Variants in GPHN observed in about 807,000 individuals in gnomAD.
GPHN encodes gephyrin.
Under a neutral mutation model 95.5 loss-of-function variants are expected in GPHN, and 17 were observed. That is an observed-to-expected ratio of 0.18 (90% CI 0.12 to 0.27). The LOEUF (loss-of-function observed/expected upper bound fraction) is 0.27. GPHN is among the 10% of genes least tolerant of loss of function. The probability of loss-of-function intolerance (pLI) is 1.00; values close to 1 mark genes in which losing one functional copy is unlikely to be tolerated. For synonymous variants in GPHN, 320 were observed against 322.5 expected (o/e 0.99, Z 0.08); for missense variants, 660 against 978.1 (o/e 0.67, Z 4.34).
At chr14:67,716,880 T>TC in the GPHN span, among the ~76,000 whole-genome samples, 1 of 128,332 alleles carries the variant, frequency 7.8e-6, no homozygotes, top group African/African-American at 2.9e-5. Context: ...TGAGTCTCTG[T>TC]CAAAAAAAAA....
intron 9 of GPHN, among the ~76,000 whole-genome samples, chr14:66,967,896 T>C (rs1008835040): frequency 6.6e-6 from 1 of 151,898 alleles, no homozygotes; most frequent in Non-Finnish European, 1.5e-5. Flanking sequence ...TTTTGTGCTA[T>C]GTGGAGGTTT....
chr14:67,131,983 C>A (rs993460961), intron 17 of GPHN, among the ~76,000 whole-genome samples: 7 of 152,096 alleles, frequency 4.6e-5, no homozygotes, highest in Admixed American at 3.3e-4. Flanking sequence ...AGAAGATTTC[C>A]CCCTTCTGGA....
the GPHN span, among the ~76,000 whole-genome samples, chr14:67,657,627 A>C: frequency 5.5e-4 from 77 of 139,048 alleles, 1 homozygote; most frequent in East Asian, 0.013. Context: ...CACACACCCA[A>C]AATCAAAAGG....
intron 1 of GPHN, among the ~76,000 whole-genome samples, chr14:66,641,422 CATT>C (rs1225382558): frequency 3.9e-5 from 6 of 152,014 alleles, no homozygotes; most frequent in Admixed American, 2.0e-4. Flanking sequence ...GATATAGCCT[CATT>C]ATAAAGTTAG....
intron 3 of GPHN, among the ~76,000 whole-genome samples, chr14:66,778,078 T>A (rs980551489): frequency 9.9e-5 from 15 of 152,152 alleles, no homozygotes; most frequent in African/African-American, 3.1e-4. Flanking sequence ...GAAAACCCCA[T>A]CGTCTCAGCC....
chr14:67,626,082 G>A, the GPHN span, among the ~76,000 whole-genome samples: 354 of 152,090 alleles, frequency 2.3e-3, no homozygotes, highest in African/African-American at 8.2e-3. Context: ...GTGAAACTCC[G>A]TCTCTACTAA....
the GPHN span, among the ~76,000 whole-genome samples, chr14:67,700,972 G>A: frequency 2.1e-5 from 3 of 142,850 alleles, no homozygotes; most frequent in East Asian, 2.1e-4. Flanking sequence ...TGCAGTAAGC[G>A]GAGATCTTGC....
At chr14:67,698,545 G>A in the GPHN span, among the ~76,000 whole-genome samples, 1 of 152,148 alleles carries the variant, frequency 6.6e-6, no homozygotes, top group Non-Finnish European at 1.5e-5. Context: ...CTGAGAAACG[G>A]CCAGAGAGGT....
intron 3 of GPHN, among the ~76,000 whole-genome samples, chr14:66,801,377 G>A (rs963916575): frequency 6.6e-6 from 1 of 152,096 alleles, no homozygotes; most frequent in Non-Finnish European, 1.5e-5. Context: ...GGACCTGAGT[G>A]TTATAAGCTT....
chr14:66,922,594 T>TCTTATA, intron 6 of GPHN, 72 bp from the exon 7 acceptor site: 1 of 1,227,004 alleles, frequency 8.1e-7, no homozygotes. Flanking sequence ...CACGAAACAG[T>TCTTATA]TTGATTGCCA....
At chr14:67,565,116 G>A in the GPHN span, among the ~76,000 whole-genome samples, 3 of 152,230 alleles carry the variant, frequency 2.0e-5, no homozygotes, top group Non-Finnish European at 4.4e-5. Flanking sequence ...GAGCCTGTGG[G>A]AAGGGCTCCT....
chr14:67,191,382 G>C, the GPHN span, among the ~76,000 whole-genome samples: 4 of 152,312 alleles, frequency 2.6e-5, no homozygotes, highest in African/African-American at 9.6e-5. Flanking sequence ...AAGACCACAT[G>C]GTAATGGTCA....
At chr14:66,663,901 G>A (rs1039290331) in intron 1 of GPHN, among the ~76,000 whole-genome samples, 7 of 152,152 alleles carry the variant, frequency 4.6e-5, no homozygotes, top group Non-Finnish European at 7.3e-5. Flanking sequence ...TTACATAATG[G>A]TAAAGGGTTC....
chr14:67,712,493 C>CAAAAAAAAAAAAA, the GPHN span, among the ~76,000 whole-genome samples: 2 of 38,930 alleles, frequency 5.1e-5, no homozygotes, highest in Non-Finnish European at 7.5e-5. Flanking sequence ...AAAAAACTTG[C>CAAAAAAAAAAAAA]AAAAAAAAAA....
At chr14:66,852,329 T>C (rs1385348277) in intron 4 of GPHN, among the ~76,000 whole-genome samples, 1 of 152,240 alleles carries the variant, frequency 6.6e-6, no homozygotes, top group East Asian at 1.9e-4. Context: ...ATATCACTCA[T>C]GGTACATTTT....
chr14:66,978,449 T>G (rs1193778094), intron 9 of GPHN, among the ~76,000 whole-genome samples: 3 of 152,200 alleles, frequency 2.0e-5, no homozygotes, highest in Non-Finnish European at 4.4e-5. Flanking sequence ...TCCAACAAAG[T>G]TCACAGCATC....
the GPHN span, among the ~76,000 whole-genome samples, chr14:67,352,492 A>G: frequency 6.6e-6 from 1 of 152,164 alleles, no homozygotes; most frequent in Non-Finnish European, 1.5e-5. Flanking sequence ...ACATGCTACA[A>G]TAAAATTAAA....
chr14:67,301,267 A>AT, the GPHN span: 1 of 498,806 alleles, frequency 2.0e-6, no homozygotes, highest in South Asian at 5.2e-5. Context: ...CTTTTTAGTG[A>AT]TTTTATTTCT....
chr14:66,862,444 C>T (rs554662234), intron 4 of GPHN, among the ~76,000 whole-genome samples: 13 of 151,928 alleles, frequency 8.6e-5, no homozygotes, highest in South Asian at 2.1e-4. Context: ...CAAAGTATTC[C>T]GAAATACAAG....
Sources: gnomAD v4.1 joint callset for allele counts (sites outside exome capture counted in the v4.1 genomes callset) on GRCh38, gnomAD v4.1.1 for gene constraint, MANE v1.5 for transcripts, NCBI Gene and HGNC (gene_info 2026-07-23, HGNC 2026-07-21) for gene names.